GRHL3: variants seen among roughly 807,000 people sequenced by gnomAD.
GRHL3 encodes the protein grainyhead-like protein 3 homolog.
Under a neutral mutation model 70.3 loss-of-function variants are expected in GRHL3, and 20 were observed. The observed-to-expected ratio is 0.28, with a 90% CI of 0.20 to 0.41. The LOEUF (loss-of-function observed/expected upper bound fraction) is 0.41. GRHL3 is among the 10% of genes least tolerant of loss of function. The probability of loss-of-function intolerance (pLI) is 1.00; values close to 1 mark genes in which losing one functional copy is unlikely to be tolerated. For synonymous variants in GRHL3, 299 were observed against 299.9 expected, an observed-to-expected ratio of 1.00 and a Z score of 0.03; for missense variants, 637 against 762.3, an observed-to-expected ratio of 0.84 and a Z score of 1.94.
chr1:24,330,647 A>G (rs1488618121), intron 1 of GRHL3, among the ~76,000 whole-genome samples: 1 of 152,220 alleles, frequency 6.6e-6, no homozygotes, highest in Non-Finnish European at 1.5e-5. Context: ...GCTGAGTGAA[A>G]TAATCCCCAG....
chr1:24,360,737 T>G (rs1641048939), intron 15 of GRHL3: 1 of 932,828 alleles, frequency 1.1e-6, no homozygotes, highest in African/African-American at 1.6e-5. Context: ...TCTACCCTCA[T>G]CCCTGTAACC....
intron 1 of GRHL3, among the ~76,000 whole-genome samples, chr1:24,331,095 A>C (rs756413787): frequency 6.6e-6 from 1 of 152,212 alleles, no homozygotes; most frequent in Non-Finnish European, 1.5e-5. Flanking sequence ...TTTCCCATTC[A>C]TTACACGAAT....
At chr1:24,336,957 CATGTA>C in intron 4 of GRHL3, 116 bp from the exon 5 acceptor site, 2 of 1,216,946 alleles carry the variant, frequency 1.6e-6, no homozygotes, top group South Asian at 2.7e-5. Context: ...ACGGGATTGC[CATGTA>C]CTATTGTCCA....
intron 15 of GRHL3, among the ~76,000 whole-genome samples, chr1:24,353,175 T>G (rs1367666154): frequency 6.6e-6 from 1 of 152,194 alleles, no homozygotes; most frequent in African/African-American, 2.4e-5. Flanking sequence ...TAACTTTGTT[T>G]CTTTGAACCT....
chr1:24,352,411 G>A (rs780875061), intron 15 of GRHL3, among the ~76,000 whole-genome samples: 1 of 152,220 alleles, frequency 6.6e-6, no homozygotes, highest in African/African-American at 2.4e-5. Context: ...TGTGACTCAG[G>A]ACTGAAGACA....
intron 14 of GRHL3, 21 bp downstream of exon 14, chr1:24,347,574 G>A (rs7512385): frequency 1.1e-5 from 17 of 1,575,268 alleles, no homozygotes; most frequent in South Asian, 8.9e-5. Context: ...TGTGGACCCC[G>A]CCCCCCATGG....
intron 12 of GRHL3, among the ~76,000 whole-genome samples, chr1:24,345,139 GCCCCCTCTACACCTGTGC>G (rs1557702626): frequency 8.1e-5 from 5 of 61,514 alleles, no homozygotes; most frequent in East Asian, 5.1e-4. Context: ...CCACACCTGT[GCCCCCTCTACACCTGTGC>G]CCCCTCCACA....
At chr1:24,335,439 C>T (rs1173862271) in intron 3 of GRHL3, among the ~76,000 whole-genome samples, 1 of 152,226 alleles carries the variant, frequency 6.6e-6, no homozygotes, top group African/African-American at 2.4e-5. Flanking sequence ...CCTGTAGGGC[C>T]TCTGCTGGGA....
In GRHL3 at chr1:24,321,906, C is replaced by T. The variant is rs1440876583; in HGVS notation, c.17+2338C>T. The stretch of plus-strand genomic sequence containing the variant: ...GCAGCCCTGGGCAGCCCCGGGCTAC[C>T]GCAGGGCGCAAGGGATCCTGGGCTG... On this transcript the variant is annotated intron_variant, in intron 1 of 15. Coordinates refer to ENST00000361548, the MANE Select transcript of GRHL3 (RefSeq NM_198173.3). The surrounding 1 kb of genome is among the most constrained non-coding windows in gnomAD (Gnocchi z 4.0). The T allele has an allele frequency of 6.6e-6, 1 of 152,124 alleles. No homozygotes were observed. Among genetic ancestry groups the T allele is most frequent in the Non-Finnish European group, 1.5e-5 (1 of 68,018 alleles). The allele number at this position is 152,124 out of a possible 1,614,324, so 9.4% of individuals were successfully genotyped here.
chr1:24,319,935 C>A (rs774401320), intron 1 of GRHL3: 3 of 349,650 alleles, frequency 8.6e-6, no homozygotes, highest in South Asian at 8.1e-5. Context: ...AAAGGAACTT[C>A]TTTAAGGTAG....
intron 14 of GRHL3, among the ~76,000 whole-genome samples, chr1:24,349,109 C>G (rs1640403067): frequency 6.6e-6 from 1 of 152,140 alleles, no homozygotes; most frequent in Non-Finnish European, 1.5e-5. Context: ...TAAGAGTGGC[C>G]TGTTCGAAGT....
chr1:24,330,043 G>C (rs1202526892), intron 1 of GRHL3, among the ~76,000 whole-genome samples: 1 of 152,176 alleles, frequency 6.6e-6, no homozygotes, highest in African/African-American at 2.4e-5. Context: ...CACTCCAGGG[G>C]TGGGGCCCAA....
intron 1 of GRHL3, among the ~76,000 whole-genome samples, chr1:24,325,716 A>G (rs1639363684): frequency 6.6e-6 from 1 of 152,172 alleles, no homozygotes; most frequent in East Asian, 1.9e-4. Context: ...GTGCCAGTGA[A>G]CTGGGGAAAG....
chr1:24,339,866 G>A (rs777334989), intron 8 of GRHL3, 104 bp downstream of exon 8: 32 of 680,636 alleles, frequency 4.7e-5, no homozygotes, highest in African/African-American at 8.9e-5. Flanking sequence ...TTGCTCCGAC[G>A]AGGGCACTCA....
chr1:24,333,831 T>G (rs1424167449), intron 2 of GRHL3, among the ~76,000 whole-genome samples: 1 of 152,104 alleles, frequency 6.6e-6, no homozygotes, highest in Non-Finnish European at 1.5e-5. Context: ...ACTGTGAGGA[T>G]TAAGAGATGA....
chr1:24,338,179 C>T, intron 7 of GRHL3, 76 bp downstream of exon 7: 3 of 981,904 alleles, frequency 3.1e-6, no homozygotes, highest in Non-Finnish European at 4.5e-6. Context: ...CTTTTTCTTA[C>T]TCACCCCTGT....
chr1:24,331,707 C>A, intron 2 of GRHL3, 95 bp downstream of exon 2: 1 of 1,055,032 alleles, frequency 9.5e-7, no homozygotes, highest in Non-Finnish European at 1.4e-6. Context: ...ACCACCCCAG[C>A]CCCTCATCTC....
In GRHL3 at chr1:24,334,724, C is replaced by A. The variant is rs752130474; in HGVS notation, c.266+18C>A. 1 of 1,602,520 alleles carries A rather than the reference C, an allele frequency of 6.2e-7. No individual in the cohort carries two copies. Among genetic ancestry groups the A allele is most frequent in the Non-Finnish European group, 8.5e-7 (1 of 1,173,808 alleles). ...GGAAAGAGGTGAGGCTTGCCAACAC[C>A]CTCTGCCTCTTTGCCCTTCCCCACC... On this transcript the variant is annotated intron_variant, in intron 3 of 15. Coordinates refer to ENST00000361548, the MANE Select transcript of GRHL3 (RefSeq NM_198173.3). The surrounding 1 kb of genome is among the most constrained non-coding windows in gnomAD (Gnocchi z 4.3).
At chr1:24,338,168 C>A in intron 7 of GRHL3, 65 bp downstream of exon 7, 1 of 1,107,896 alleles carries the variant, frequency 9.0e-7, no homozygotes, top group Non-Finnish European at 1.3e-6. Flanking sequence ...ATCAATCAGG[C>A]CTTTTTCTTA....
Sources: allele counts gnomAD v4.1 joint callset (sites outside exome capture counted in the v4.1 genomes callset), GRCh38; gene constraint gnomAD v4.1.1; non-coding constraint Gnocchi (gnomAD v3.1); transcripts MANE v1.5; gene names NCBI Gene and HGNC (gene_info 2026-07-23, HGNC 2026-07-21).